The following PRKCB variants were observed in gnomAD, a reference collection of about 807,000 sequenced individuals.
PRKCB encodes the protein protein kinase C beta, also known as protein kinase C beta type.
PRKCB carries 13 observed loss-of-function variants against 81.5 expected under a neutral mutation model. The observed-to-expected ratio is 0.16, with a 90% CI of 0.10 to 0.25. PRKCB has a LOEUF of 0.25. PRKCB is among the 10% of genes least tolerant of loss of function. The pLI is 1.00. For missense variants in PRKCB, 509 were observed against 875.7 expected (o/e 0.58, Z 5.29); for synonymous variants, 335 against 321.4 (o/e 1.04, Z -0.45).
At chr16:24,087,461 A>G (rs1966322735) in intron 5 of PRKCB, among the ~76,000 whole-genome samples, 1 of 152,244 alleles carries the variant, frequency 6.6e-6, no homozygotes, top group Admixed American at 6.5e-5. Flanking sequence ...AATTGCACAC[A>G]TCCTCAGGCT....
At chr16:24,175,160 G>A (rs780369426) in intron 12 of PRKCB, among the ~76,000 whole-genome samples, 6 of 152,034 alleles carry the variant, frequency 3.9e-5, no homozygotes, top group Non-Finnish European at 8.8e-5. Context: ...GCTGCTATTT[G>A]TCAGCAAGTC....
chr16:24,021,709 C>G (rs1965406969), intron 3 of PRKCB, among the ~76,000 whole-genome samples: 1 of 152,014 alleles, frequency 6.6e-6, no homozygotes, highest in Non-Finnish European at 1.5e-5. Context: ...AGTCCTGGCT[C>G]TCCCATGTCC....
intron 2 of PRKCB, among the ~76,000 whole-genome samples, chr16:23,972,723 T>C (rs921431100): frequency 1.1e-4 from 17 of 152,082 alleles, no homozygotes; most frequent in African/African-American, 2.2e-4. Flanking sequence ...AGGGGAAACA[T>C]TGGGGAGAAA....
intron 2 of PRKCB, among the ~76,000 whole-genome samples, chr16:23,903,744 C>T (rs1467845660): frequency 6.6e-6 from 1 of 152,134 alleles, no homozygotes; most frequent in Non-Finnish European, 1.5e-5. Flanking sequence ...AATACTTTTT[C>T]TTCTCTTTAC....
At chr16:23,915,143 C>T (rs541686964) in intron 2 of PRKCB, among the ~76,000 whole-genome samples, 8 of 152,320 alleles carry the variant, frequency 5.3e-5, no homozygotes, top group Admixed American at 3.9e-4. Context: ...TCTGGGGACT[C>T]CTTAGACTAA....
At chr16:24,210,057 A>G (rs1006450330) in intron 16 of PRKCB, among the ~76,000 whole-genome samples, 1 of 152,178 alleles carries the variant, frequency 6.6e-6, no homozygotes, top group Non-Finnish European at 1.5e-5. Flanking sequence ...TTGAGGCTGC[A>G]GTGAGCTGTG....
intron 9 of PRKCB, among the ~76,000 whole-genome samples, chr16:24,142,456 C>T (rs866925839): frequency 4.6e-5 from 7 of 152,130 alleles, no homozygotes; most frequent in African/African-American, 1.7e-4. Context: ...AGGTGGTTGG[C>T]GTTTGCTCAG....
chr16:24,215,490 C>G lies in PRKCB; in HGVS notation c.*674C>G. ...TCTGATACTTTATGTCTTTGCTCAC[C>G]CTCATCCCCAAACTACTTGAAAAGG... On this transcript the variant is annotated 3_prime_UTR_variant, in exon 17 of 17. Transcript: ENST00000643927. 4.1e-6 allele frequency: 4 copies of G among 985,676 alleles called. No homozygotes were observed. The highest frequency in any genetic ancestry group is 4.8e-6 in the Non-Finnish European group (4 of 829,884). 61.1% of individuals were successfully genotyped at this position (985,676 alleles called of 1,614,324 possible). A position where few individuals can be genotyped will look rare whatever the true frequency, so the allele number is the denominator to read the frequency against.
At chr16:23,951,996 A>AGGGG (rs1964290746) in intron 2 of PRKCB, among the ~76,000 whole-genome samples, 1 of 152,272 alleles carries the variant, frequency 6.6e-6, no homozygotes, top group Non-Finnish European at 1.5e-5. Context: ...ACTTGAGGGC[A>AGGGG]GGGGCTGTAC....
chr16:24,181,556 C>CAGG (rs1967622122), intron 13 of PRKCB, among the ~76,000 whole-genome samples: 1 of 151,964 alleles, frequency 6.6e-6, no homozygotes, highest in Non-Finnish European at 1.5e-5. Flanking sequence ...CACTTGAGCC[C>CAGG]AGGAGTTCCA....
chr16:23,980,798 A>AATATATAT lies in PRKCB; in HGVS notation c.206-7701_206-7694dup, dbSNP rs143162594. On this transcript the variant is annotated intron_variant, in intron 2 of 16. Coordinates refer to ENST00000643927, the MANE Select transcript of PRKCB (RefSeq NM_002738.7). Reference sequence around the variant, plus strand: ...CAAGAGGGGAATCGACTCCAAACAGAATATATATATATATATGATTTAATT... The same window carrying AATATATAT: ...CAAGAGGGGAATCGACTCCAAACAGAATATATATATATATATATATATATGATTTAATT... Among the ~76,000 whole-genome samples the AATATATAT allele has an allele frequency of 8.6e-4, 128 of 148,802 alleles. 2 individuals carry two copies. Among genetic ancestry groups the AATATATAT allele is most frequent in the African/African-American group, 3.0e-3 (120 of 39,868 alleles).
intron 7 of PRKCB, among the ~76,000 whole-genome samples, chr16:24,107,613 G>A (rs1270721561): frequency 1.3e-5 from 2 of 152,176 alleles, no homozygotes; most frequent in East Asian, 1.9e-4. Context: ...CCTCTCTGAG[G>A]GGGCACACGT....
chr16:24,169,863 A>G (rs1051019784), intron 10 of PRKCB, among the ~76,000 whole-genome samples: 26 of 151,618 alleles, frequency 1.7e-4, no homozygotes, highest in Non-Finnish European at 2.5e-4. Flanking sequence ...TGCAACCTCC[A>G]CCTCCCAGGT....
chr16:23,842,541 G>C (rs570897659), intron 2 of PRKCB, among the ~76,000 whole-genome samples: 5 of 152,210 alleles, frequency 3.3e-5, no homozygotes, highest in African/African-American at 1.2e-4. Flanking sequence ...CAGTGTCTGG[G>C]CCCAGAAACC....
chr16:24,191,865 A>G (rs1239523913), intron 16 of PRKCB, among the ~76,000 whole-genome samples: 8 of 152,246 alleles, frequency 5.3e-5, no homozygotes, highest in Admixed American at 3.9e-4. Flanking sequence ...CCCACAGTCC[A>G]TGTACCAACA....
intron 10 of PRKCB, among the ~76,000 whole-genome samples, chr16:24,156,017 T>C (rs1596573050): frequency 6.6e-6 from 1 of 152,320 alleles, no homozygotes; most frequent in Admixed American, 6.5e-5. Context: ...CATAGTGAAG[T>C]TGGCAGCGAC....
intron 9 of PRKCB, among the ~76,000 whole-genome samples, chr16:24,132,690 T>C (rs1243333305): frequency 6.6e-6 from 1 of 152,086 alleles, no homozygotes; most frequent in Non-Finnish European, 1.5e-5. Flanking sequence ...ATGCAGAAAG[T>C]TGGAATAACT....
intron 2 of PRKCB, among the ~76,000 whole-genome samples, chr16:23,894,375 CA>C (rs1158543056): frequency 2.0e-5 from 3 of 152,228 alleles, no homozygotes; most frequent in African/African-American, 7.2e-5. Flanking sequence ...GTTTCTGGGT[CA>C]AAAAGTGTGG....
In PRKCB at chr16:24,119,770, C is replaced by G. The variant is rs754131439; in HGVS notation, c.919-4065C>G. 2.6e-5 allele frequency among the ~76,000 whole-genome samples: 4 copies of G among 152,098 alleles called. No individual in the cohort carries two copies. In the East Asian group the frequency reaches 7.7e-4, roughly 29 times the overall value. Reference sequence around the variant, plus strand: ...AAGATGACCTTGTAGTTTTAACTACCCCCTCGTTGCCTCTACACCCCAAAT... The same window carrying G: ...AAGATGACCTTGTAGTTTTAACTACGCCCTCGTTGCCTCTACACCCCAAAT... On this transcript the variant is annotated intron_variant, in intron 8 of 16. Coordinates refer to ENST00000643927, the MANE Select transcript of PRKCB (RefSeq NM_002738.7).
Sources: gnomAD v4.1 joint callset for allele counts (sites outside exome capture counted in the v4.1 genomes callset) on GRCh38, gnomAD v4.1.1 for gene constraint, MANE v1.5 for transcripts, NCBI Gene and HGNC (gene_info 2026-07-23, HGNC 2026-07-21) for gene names.